NRXN1: variants seen among roughly 807,000 people sequenced by gnomAD.
The protein encoded by NRXN1 is neurexin 1.
In NRXN1, 39 loss-of-function variants were observed where a neutral mutation model predicts 150.9. That is an observed-to-expected ratio of 0.26 (90% CI 0.20 to 0.34). The LOEUF (loss-of-function observed/expected upper bound fraction) is 0.34, where lower values mean the gene tolerates loss of function less well. Ranked by LOEUF, NRXN1 falls within the 10% of genes least tolerant of loss-of-function variation. The pLI, the probability that NRXN1 is intolerant of heterozygous loss-of-function variation, is 1.00. For synonymous variants in NRXN1, 924 were observed against 757.0 expected, an observed-to-expected ratio of 1.22 and a Z score of -3.62; for missense variants, 1,815 against 1,949.9, an observed-to-expected ratio of 0.93 and a Z score of 1.30.
At chr2:50,264,593 A>G (rs895180447) in intron 17 of NRXN1, among the ~76,000 whole-genome samples, 6 of 152,122 alleles carry the variant, frequency 3.9e-5, no homozygotes, top group African/African-American at 1.2e-4. Flanking sequence ...TAATAAATCA[A>G]TGCAAGAGGT....
chr2:50,427,827 C>T (rs987259993), intron 17 of NRXN1, among the ~76,000 whole-genome samples: 1 of 152,160 alleles, frequency 6.6e-6, no homozygotes, highest in Non-Finnish European at 1.5e-5. Flanking sequence ...TATCCATTCC[C>T]ATTTTCTTTA....
intron 18 of NRXN1, among the ~76,000 whole-genome samples, chr2:50,203,333 A>G (rs2152835733): frequency 6.6e-6 from 1 of 152,322 alleles, no homozygotes; most frequent in East Asian, 1.9e-4. Context: ...ACCAACAGTC[A>G]AATGAGCTCT....
intron 17 of NRXN1, among the ~76,000 whole-genome samples, chr2:50,327,313 A>G (rs2076449229): frequency 6.6e-6 from 1 of 152,228 alleles, no homozygotes; most frequent in Non-Finnish European, 1.5e-5. Context: ...AATCCCATTT[A>G]TATCAACTTC....
At chr2:50,466,423 G>T in intron 16 of NRXN1, 1 of 465,784 alleles carries the variant, frequency 2.1e-6, no homozygotes, top group Non-Finnish European at 4.4e-6. Flanking sequence ...GTGTATTATG[G>T]GGTTTCAGTC....
At chr2:50,367,522 C>A (rs1336822954) in intron 17 of NRXN1, among the ~76,000 whole-genome samples, 3 of 151,958 alleles carry the variant, frequency 2.0e-5, no homozygotes, top group African/African-American at 4.8e-5. Context: ...CTGTACCAAG[C>A]CCTGGACTCA....
chr2:50,463,099 A>G (rs1057189567), intron 17 of NRXN1, among the ~76,000 whole-genome samples: 7 of 151,874 alleles, frequency 4.6e-5, no homozygotes, highest in Non-Finnish European at 1.0e-4. Context: ...TTTTAAAAGA[A>G]AAATCAGCTT....
chr2:50,883,126 C>G (rs1219911718), intron 5 of NRXN1, among the ~76,000 whole-genome samples: 1 of 151,822 alleles, frequency 6.6e-6, no homozygotes, highest in African/African-American at 2.4e-5. Context: ...ACTAACTGCT[C>G]TCTCTGAAAG....
At chr2:50,532,202 G>T (rs1181312271) in intron 10 of NRXN1, among the ~76,000 whole-genome samples, 1 of 152,000 alleles carries the variant, frequency 6.6e-6, no homozygotes, top group Non-Finnish European at 1.5e-5. Context: ...AGTCAACCTT[G>T]CCTTGGCTCT....
intron 18 of NRXN1, among the ~76,000 whole-genome samples, chr2:50,226,158 T>A (rs919632890): frequency 6.6e-6 from 1 of 151,998 alleles, no homozygotes; most frequent in Admixed American, 6.6e-5. Flanking sequence ...TTTCATTTCT[T>A]CATTAACTAC....
rs537859280 is a variant in NRXN1 at position 50,563,742 on chromosome 2, T to C, written c.1321-10717A>G. Among the ~76,000 whole-genome samples, 8 of 152,348 alleles carry C rather than the reference T, an allele frequency of 5.3e-5. No individual in the cohort carries two copies. The South Asian group carries it at 1.2e-3, about 24-fold the overall frequency. ...TTCTTTGTATGGACAGTTTTTATGATGGTTAATTTTCCTAAAGCAATAAAA... is the reference window on the plus strand; with the variant it reads ...TTCTTTGTATGGACAGTTTTTATGACGGTTAATTTTCCTAAAGCAATAAAA... On this transcript the variant is annotated intron_variant, in intron 8 of 22. Transcript: ENST00000401669.
chr2:50,337,965 C>T (rs13383372), intron 17 of NRXN1, among the ~76,000 whole-genome samples: 30,975 of 152,110 alleles, frequency 0.2, 4,746 homozygotes, highest in African/African-American at 0.4. Context: ...AAGATGTTTA[C>T]CAGAAGCCCA....
chr2:50,517,412 AC>A lies in NRXN1; in HGVS notation c.2375-10796del, dbSNP rs1311718964. On this transcript the variant is annotated intron_variant, in intron 12 of 22. Transcript: ENST00000401669. The stretch of plus-strand genomic sequence containing the variant: ...GGTTTATTTGTGTAAACTTTGTGGG[AC>A]TTTTTTTTAAATGGTAGATGAAATA... Among the ~76,000 whole-genome samples the A allele has an allele frequency of 4.4e-4, 22 of 49,464 alleles. No homozygotes were observed. The East Asian group carries it at 7.0e-3, about 16-fold the overall frequency. 32.5% of individuals were successfully genotyped at this position (49,464 alleles called of 152,430 possible).
chr2:50,485,352 A>G (rs1330254610), intron 15 of NRXN1, among the ~76,000 whole-genome samples: 1 of 152,172 alleles, frequency 6.6e-6, no homozygotes, highest in Non-Finnish European at 1.5e-5. Flanking sequence ...AGAAATGGGA[A>G]GGAAAGGTGT....
chr2:50,306,970 C>T (rs1332418870), intron 17 of NRXN1, among the ~76,000 whole-genome samples: 1 of 151,830 alleles, frequency 6.6e-6, no homozygotes, highest in Non-Finnish European at 1.5e-5. Flanking sequence ...CTAATATGAG[C>T]ATTTTTTTGT....
chr2:50,017,692 C>T (rs898806640), intron 21 of NRXN1, among the ~76,000 whole-genome samples: 13 of 147,452 alleles, frequency 8.8e-5, no homozygotes, highest in Admixed American at 6.8e-4. Context: ...TTACATTACG[C>T]GAACCCTGAT....
At chr2:50,535,990 T>C (rs1202813213) in intron 10 of NRXN1, among the ~76,000 whole-genome samples, 3 of 152,216 alleles carry the variant, frequency 2.0e-5, no homozygotes, top group Non-Finnish European at 4.4e-5. Flanking sequence ...TCAACTCTTA[T>C]TTGATCAACA....
At chr2:50,278,293 T>TAA (rs1413738378) in intron 17 of NRXN1, among the ~76,000 whole-genome samples, 1 of 126,698 alleles carries the variant, frequency 7.9e-6, no homozygotes, top group African/African-American at 3.2e-5. Flanking sequence ...ATAATACATA[T>TAA]ATAATATATA....
chr2:50,721,408 C>T (rs955281876), intron 5 of NRXN1, among the ~76,000 whole-genome samples: 4 of 152,182 alleles, frequency 2.6e-5, no homozygotes, highest in Admixed American at 6.5e-5. Flanking sequence ...GATAACTACC[C>T]TTTACTAACA....
chr2:50,262,057 C>T (rs2068344833), intron 17 of NRXN1, among the ~76,000 whole-genome samples: 1 of 151,878 alleles, frequency 6.6e-6, no homozygotes, highest in South Asian at 2.1e-4. Flanking sequence ...CCAGAGTACA[C>T]TGAGCATGAA....
Sources: allele counts gnomAD v4.1 joint callset (sites outside exome capture counted in the v4.1 genomes callset), GRCh38; gene constraint gnomAD v4.1.1; transcripts MANE v1.5; gene names NCBI Gene and HGNC (gene_info 2026-07-23, HGNC 2026-07-21).